Variants in ANXA11 observed in about 807,000 individuals in gnomAD.
ANXA11 encodes the protein annexin A11.
A neutral mutation model predicts 64.7 loss-of-function variants in ANXA11; 57 were observed. That is an observed-to-expected ratio of 0.88 (90% CI 0.71 to 1.10). ANXA11 has a LOEUF of 1.10. Ranked by LOEUF, ANXA11 falls within the 50% of genes least tolerant of loss-of-function variation. The pLI is 0.00. For synonymous variants in ANXA11, 260 were observed against 265.2 expected (o/e 0.98, Z 0.19); for missense variants, 675 against 670.7 (o/e 1.01, Z -0.07).
At chr10:80,178,210 GCTCT>G (rs3060571) in intron 1 of ANXA11, among the ~76,000 whole-genome samples, 28,407 of 149,044 alleles carry the variant, frequency 0.19, 2,797 homozygotes, top group Admixed American at 0.28. Flanking sequence ...CAGAAGATCT[GCTCT>G]CTCTCTCTCT....
intron 3 of ANXA11, chr10:80,171,281 T>C (rs1845966952): frequency 9.2e-7 from 1 of 1,084,454 alleles, no homozygotes; most frequent in Admixed American, 5.6e-5. Flanking sequence ...GCTGAGCCCA[T>C]GACAGAGGTG....
chr10:80,202,429 G>C (rs1406419907), intron 1 of ANXA11, among the ~76,000 whole-genome samples: 1 of 152,122 alleles, frequency 6.6e-6, no homozygotes, highest in Non-Finnish European at 1.5e-5. Flanking sequence ...AGGAGATAGG[G>C]TCAGTAAGCC....
At chr10:80,162,314 G>A (rs1266390069) in intron 11 of ANXA11, among the ~76,000 whole-genome samples, 1 of 152,258 alleles carries the variant, frequency 6.6e-6, no homozygotes, top group Admixed American at 6.5e-5. Context: ...CCCGCTAAAA[G>A]TGGCATGCAA....
intron 3 of ANXA11, among the ~76,000 whole-genome samples, chr10:80,172,446 C>T (rs1221066537): frequency 6.6e-6 from 1 of 152,144 alleles, no homozygotes; most frequent in African/African-American, 2.4e-5. Flanking sequence ...TCATCAGTAT[C>T]CAGGACCACC....
At chr10:80,192,225 C>T (rs1255772174) in intron 1 of ANXA11, among the ~76,000 whole-genome samples, 1 of 152,204 alleles carries the variant, frequency 6.6e-6, no homozygotes, top group Non-Finnish European at 1.5e-5. Flanking sequence ...GAATAACTGC[C>T]TTCCAGGAAA....
At chr10:80,202,084 G>A (rs1382465775) in intron 1 of ANXA11, among the ~76,000 whole-genome samples, 7 of 151,784 alleles carry the variant, frequency 4.6e-5, no homozygotes, top group Admixed American at 3.9e-4. Flanking sequence ...ACACACCCAC[G>A]GTATCAACAT....
rs986012411 is a variant in ANXA11, at chr10:80,155,297, C to T, written c.*556G>A. ...GAAGATGGAAGGAATGACTTTCTGG[C>T]CCTTTTTTTTTGTTTTTTCTAAAAA... On this transcript the variant is annotated 3_prime_UTR_variant, in exon 16 of 16. Coordinates refer to ENST00000422982, the MANE Select transcript of ANXA11 (RefSeq NM_145868.2). 3 of 150,584 alleles carry T rather than the reference C, an allele frequency of 2.0e-5. No homozygotes were observed. Among genetic ancestry groups the T allele is most frequent in the Non-Finnish European group, 3.0e-5 (2 of 67,468 alleles). 9.3% of individuals were successfully genotyped at this position (150,584 alleles called of 1,614,324 possible). A position where few individuals can be genotyped will look rare whatever the true frequency, so the allele number is the denominator to read the frequency against.
intron 11 of ANXA11, among the ~76,000 whole-genome samples, chr10:80,162,555 C>T (rs1845556671): frequency 6.6e-6 from 1 of 152,256 alleles, no homozygotes; most frequent in Admixed American, 6.5e-5. Context: ...GGGAACAGTG[C>T]TCAACCTTTT....
intron 12 of ANXA11, among the ~76,000 whole-genome samples, chr10:80,161,454 G>A (rs1034493902): frequency 3.9e-5 from 6 of 152,136 alleles, no homozygotes; most frequent in African/African-American, 1.2e-4. Flanking sequence ...TTTACTGTCT[G>A]TCTCCCCAAA....
chr10:80,200,274 C>T (rs1840362960), intron 1 of ANXA11, among the ~76,000 whole-genome samples: 1 of 152,166 alleles, frequency 6.6e-6, no homozygotes, highest in Admixed American at 6.5e-5. Flanking sequence ...GCTTGAATGT[C>T]CTCTGATGCC....
chr10:80,180,675 C>T (rs1226532834), intron 1 of ANXA11, among the ~76,000 whole-genome samples: 1 of 151,424 alleles, frequency 6.6e-6, no homozygotes, highest in East Asian at 1.9e-4. Flanking sequence ...AGATCCTTAA[C>T]CTGTTTTTAC....
In ANXA11 at chr10:80,156,048, C is replaced by T. The variant is rs1412108216; in HGVS notation, c.1459-136G>A. On this transcript the variant is annotated intron_variant, in intron 15 of 15. Transcript: ENST00000422982. Reference sequence around the variant, plus strand: ...GGGGAATTTTCTCCCACTGCAGGTCCTGCAGCAGGCGTCACAGACCTTAAA... The same window carrying T: ...GGGGAATTTTCTCCCACTGCAGGTCTTGCAGCAGGCGTCACAGACCTTAAA... 3 of 823,130 alleles carry T rather than the reference C, an allele frequency of 3.6e-6. No homozygotes were observed. In the East Asian group the frequency reaches 7.5e-5, roughly 21 times the overall value. 51.0% of individuals were successfully genotyped at this position (823,130 alleles called of 1,614,324 possible).
chr10:80,169,676 G>A (rs371912359), intron 4 of ANXA11, among the ~76,000 whole-genome samples: 2 of 152,140 alleles, frequency 1.3e-5, no homozygotes, highest in Non-Finnish European at 2.9e-5. Context: ...AAGAAGGTGC[G>A]TGGGTCCCAT....
At position 80,155,793 on chromosome 10, in the gene ANXA11, G is replaced by A. The variant is rs1845249612; in HGVS notation, c.*60C>T. On this transcript the variant is annotated 3_prime_UTR_variant, in exon 16 of 16. Transcript: ENST00000422982. ...ATTTGTTAGAAACAGACATTCTTTT[G>A]GCCTTTTCCTGGCACTGGTGTTGCC... 2.7e-6 allele frequency: 4 copies of A among 1,467,034 alleles called. No homozygotes were observed. In the African/African-American group the frequency reaches 5.6e-5, roughly 20 times the overall value. The allele number at this position is 1,467,034 out of a possible 1,614,324, so 90.9% of individuals were successfully genotyped here. A position where few individuals can be genotyped will look rare whatever the true frequency, so the allele number is the denominator to read the frequency against.
At chr10:80,199,436 T>G (rs1421183521) in intron 1 of ANXA11, among the ~76,000 whole-genome samples, 2 of 151,994 alleles carry the variant, frequency 1.3e-5, no homozygotes, top group Admixed American at 1.3e-4. Context: ...TATTTAAAAC[T>G]AAGGGTTGGG....
chr10:80,182,258 T>C (rs1564619510), intron 1 of ANXA11, among the ~76,000 whole-genome samples: 1 of 152,126 alleles, frequency 6.6e-6, no homozygotes, highest in Non-Finnish European at 1.5e-5. Flanking sequence ...GGTTTCCACT[T>C]AATTTTGCTG....
In ANXA11 at chr10:80,161,973, G is replaced by A. The variant is rs1225240572; in HGVS notation, c.1142C>T (p.Ala381Val). The change falls in exon 12 of 16, where the codon GCG becomes GTG. Residue 381 changes from alanine (A) to valine (V), a missense_variant. Physicochemically the swap from Ala to Val is moderately conservative, Grantham distance 64. Coordinates refer to ENST00000422982, the MANE Select transcript of ANXA11 (RefSeq NM_145868.2). ...GGCCCGGCTCCGGGAGCACAGAACC[G>A]CATTGAACTTGGACTCGTCTGTTCC... The part of the protein sequence containing the change: ...RLGTDESKFN[A>V]VLCSRSRAHL... 5.0e-6 allele frequency: 8 copies of A among 1,612,688 alleles called. No homozygotes were observed. The highest frequency in any genetic ancestry group is 3.3e-5 in the Admixed American group (2 of 60,028).
intron 1 of ANXA11, among the ~76,000 whole-genome samples, chr10:80,177,338 G>A (rs1345323300): frequency 6.6e-6 from 1 of 152,064 alleles, no homozygotes; most frequent in African/African-American, 2.4e-5. Flanking sequence ...TCTGAAGAGT[G>A]CAGGGCGGGA....
chr10:80,157,180 G>A (rs904177086), intron 15 of ANXA11: 1 of 980,470 alleles, frequency 1.0e-6, no homozygotes, highest in Non-Finnish European at 1.2e-6. Context: ...CACACAGTTA[G>A]CAAGTAGAAA....
Sources: allele counts gnomAD v4.1 joint callset (sites outside exome capture counted in the v4.1 genomes callset), GRCh38; gene constraint gnomAD v4.1.1; transcripts MANE v1.5; gene names NCBI Gene and HGNC (gene_info 2026-07-23, HGNC 2026-07-21).